BABAM2: variants seen among roughly 807,000 people sequenced by gnomAD.
BABAM2 encodes BRISC and BRCA1 A complex member 2.
In BABAM2, 31 loss-of-function variants were observed where a neutral mutation model predicts 54.7. The observed-to-expected ratio is 0.57, with a 90% CI of 0.43 to 0.77. The LOEUF (loss-of-function observed/expected upper bound fraction) is 0.77, where lower values mean the gene tolerates loss of function less well. Among genes scored for constraint, BABAM2 ranks in the 30% least tolerant of loss-of-function variants. The pLI is 0.00. For synonymous variants in BABAM2, 167 were observed against 162.9 expected (o/e 1.03, Z -0.19); for missense variants, 364 against 455.8 (o/e 0.80, Z 1.83).
intron 11 of BABAM2, among the ~76,000 whole-genome samples, chr2:28,306,683 C>G (rs1290177600): frequency 6.6e-6 from 1 of 151,488 alleles, no homozygotes; most frequent in African/African-American, 2.4e-5. Flanking sequence ...TGGAGTATTT[C>G]TTTTTTATTT....
At chr2:27,981,170 A>G (rs966435560) in intron 3 of BABAM2, among the ~76,000 whole-genome samples, 3 of 152,166 alleles carry the variant, frequency 2.0e-5, no homozygotes, top group African/African-American at 7.2e-5. Context: ...TTACTTTTAT[A>G]AAGGGCTCAT....
intron 11 of BABAM2, chr2:28,308,800 T>C: frequency 6.0e-6 from 1 of 165,936 alleles, no homozygotes; most frequent in Non-Finnish European, 1.3e-5. Flanking sequence ...CATAGCTGGG[T>C]TTAAACCTGT....
intron 5 of BABAM2, among the ~76,000 whole-genome samples, chr2:28,041,018 C>G (rs1199711018): frequency 6.6e-6 from 1 of 152,068 alleles, no homozygotes; most frequent in East Asian, 1.9e-4. Context: ...ATTGTACAAG[C>G]TAAAATAGGG....
chr2:28,298,570 C>A, intron 11 of BABAM2, 79 bp downstream of exon 11: 1 of 1,547,672 alleles, frequency 6.5e-7, no homozygotes, highest in South Asian at 1.2e-5. Flanking sequence ...CTACTGCTTG[C>A]AGGTTAGTTC....
intron 6 of BABAM2, among the ~76,000 whole-genome samples, chr2:28,067,706 C>G (rs1663736134): frequency 6.6e-6 from 1 of 152,092 alleles, no homozygotes. Context: ...TAAGACTTCA[C>G]TGGGGAAGGC....
intron 7 of BABAM2, among the ~76,000 whole-genome samples, chr2:28,194,874 T>A (rs545533081): frequency 3.9e-5 from 6 of 152,166 alleles, no homozygotes; most frequent in Admixed American, 2.0e-4. Flanking sequence ...TTTTGCAGTC[T>A]TAATAGAAAC....
intron 6 of BABAM2, among the ~76,000 whole-genome samples, chr2:28,107,734 C>T (rs2148719657): frequency 1.3e-5 from 2 of 152,290 alleles, no homozygotes; most frequent in East Asian, 3.9e-4. Context: ...ACAATTTCAG[C>T]CTAATGAATA....
chr2:27,889,562 A>G (rs1664658898), upstream of BABAM2, among the ~76,000 whole-genome samples: 1 of 152,202 alleles, frequency 6.6e-6, no homozygotes, highest in Non-Finnish European at 1.5e-5. Context: ...GGATCTGTCT[A>G]CTCAATCTTA....
intron 5 of BABAM2, among the ~76,000 whole-genome samples, chr2:28,043,019 G>A (rs775364203): frequency 6.6e-5 from 10 of 151,170 alleles, no homozygotes; most frequent in Non-Finnish European, 1.2e-4. Context: ...GTGAGACTCC[G>A]TCTCAAAAAA....
intron 7 of BABAM2, among the ~76,000 whole-genome samples, chr2:28,193,055 TC>T (rs1268555817): frequency 6.6e-6 from 1 of 151,660 alleles, no homozygotes; most frequent in Non-Finnish European, 1.5e-5. Flanking sequence ...GCACCTGTAA[TC>T]CCAGCTACTC....
In BABAM2 at chr2:28,207,502, A is replaced by C. The variant is rs1229744457; in HGVS notation, c.681-29700A>C. ...CCTGAGCCCAGGGATTCTTGATTGC[A>C]CCACTGCACACCAGCCTGGATGACA... On this transcript the variant is annotated intron_variant, in intron 7 of 11. Transcript: ENST00000379624. 3.9e-5 allele frequency among the ~76,000 whole-genome samples: 6 copies of C among 152,144 alleles called. No homozygotes were observed. In the East Asian group the frequency reaches 1.2e-3, roughly 29 times the overall value.
At chr2:28,038,540 C>T (rs1676829430) in intron 5 of BABAM2, among the ~76,000 whole-genome samples, 1 of 152,096 alleles carries the variant, frequency 6.6e-6, no homozygotes, top group Admixed American at 6.5e-5. Flanking sequence ...TTCTTTCCTC[C>T]CTCCTTCTGG....
intron 7 of BABAM2, among the ~76,000 whole-genome samples, chr2:28,175,205 C>T (rs1558406705): frequency 6.6e-6 from 1 of 152,162 alleles, no homozygotes; most frequent in Admixed American, 6.5e-5. Flanking sequence ...GAGCCACCTA[C>T]CTGCACCTGC....
intron 7 of BABAM2, among the ~76,000 whole-genome samples, chr2:28,166,840 C>T (rs1438250483): frequency 1.3e-5 from 2 of 152,178 alleles, no homozygotes; most frequent in Non-Finnish European, 2.9e-5. Context: ...CTTCATCAGA[C>T]TTGCTTCCAT....
At chr2:28,105,073 G>A (rs1030119718) in intron 6 of BABAM2, among the ~76,000 whole-genome samples, 1 of 151,790 alleles carries the variant, frequency 6.6e-6, no homozygotes, top group African/African-American at 2.4e-5. Flanking sequence ...TAGCATTAGG[G>A]GATATACCTA....
At chr2:27,931,059 G>A (rs1488735656) in intron 3 of BABAM2, among the ~76,000 whole-genome samples, 1 of 152,168 alleles carries the variant, frequency 6.6e-6, no homozygotes, top group African/African-American at 2.4e-5. Context: ...ACTATATTCT[G>A]TAGAATCACT....
At chr2:27,916,281 TA>T (rs35177396) in intron 2 of BABAM2, among the ~76,000 whole-genome samples, 30,036 of 152,164 alleles carry the variant, frequency 0.2, 3,971 homozygotes, top group East Asian at 0.61. Context: ...AACAGTGGCC[TA>T]AAAAGTTTAC....
intron 5 of BABAM2, among the ~76,000 whole-genome samples, chr2:28,038,468 G>T (rs1676824702): frequency 6.6e-6 from 1 of 152,094 alleles, no homozygotes; most frequent in Non-Finnish European, 1.5e-5. Context: ...GGTTTCTATT[G>T]ATCTTGCCAC....
intron 6 of BABAM2, among the ~76,000 whole-genome samples, chr2:28,093,281 T>C (rs763655596): frequency 2.0e-5 from 3 of 152,150 alleles, no homozygotes; most frequent in Non-Finnish European, 4.4e-5. Context: ...GTTGTTTTGT[T>C]TTGTTTTAGC....
Sources: gnomAD v4.1 joint callset for allele counts (sites outside exome capture counted in the v4.1 genomes callset) on GRCh38, gnomAD v4.1.1 for gene constraint, MANE v1.5 for transcripts, NCBI Gene and HGNC (gene_info 2026-07-23, HGNC 2026-07-21) for gene names.